The following KIF11 variants were observed in gnomAD, a reference collection of about 807,000 sequenced individuals.
KIF11 encodes kinesin family member 11, also known as kinesin-like protein KIF11.
A neutral mutation model predicts 121.0 loss-of-function variants in KIF11; 9 were observed. The observed-to-expected ratio is 0.07, with a 90% CI of 0.04 to 0.13. The LOEUF (loss-of-function observed/expected upper bound fraction) is 0.13. Among genes scored for constraint, KIF11 ranks in the 10% least tolerant of loss-of-function variants. KIF11 has a pLI of 1.00. For synonymous variants in KIF11, 408 were observed against 421.0 expected (o/e 0.97, Z 0.38); for missense variants, 846 against 1,217.5 (o/e 0.69, Z 4.54).
intron 21 of KIF11, among the ~76,000 whole-genome samples, chr10:92,651,507 GTTTTTTTTTTTTTTTTTTTTTTTT>G (rs1175303233): frequency 0.047 from 2,471 of 52,976 alleles, 63 homozygotes; most frequent in Middle Eastern, 0.093. Flanking sequence ...GGCTAATTTT[GTTTTTTTTTTTTTTTTTTTTTTTT>G]TTTTTTTTTT....
At chr10:92,652,128 G>A (rs1844993753) in intron 21 of KIF11, among the ~76,000 whole-genome samples, 1 of 151,488 alleles carries the variant, frequency 6.6e-6, no homozygotes, top group South Asian at 2.1e-4. Context: ...CCTTTTTTGT[G>A]TGTATGTCTT....
intron 11 of KIF11, among the ~76,000 whole-genome samples, chr10:92,629,216 T>G (rs1844709419): frequency 6.6e-6 from 1 of 151,894 alleles, no homozygotes; most frequent in African/African-American, 2.4e-5. Context: ...ACTCCTGACC[T>G]CATGATCTGC....
rs1331071426 is a variant in KIF11, at chr10:92,651,597, C to A, written c.3039+1080C>A. ...GGTCAGGCTGGTCTCGAACTCCCAA[C>A]TTCAGGTGATCTGCCTGCCTCGGCC... On this transcript the variant is annotated intron_variant, in intron 21 of 21. Transcript: ENST00000260731. Among the ~76,000 whole-genome samples, 6 of 129,738 alleles carry A rather than the reference C, an allele frequency of 4.6e-5. No individual in the cohort carries two copies. In the South Asian group the frequency reaches 8.2e-4, roughly 18 times the overall value. 85.1% of individuals were successfully genotyped at this position (129,738 alleles called of 152,430 possible). A position where few individuals can be genotyped will look rare whatever the true frequency, so the allele number is the denominator to read the frequency against.
Position 92,597,939 on chromosome 10 carries a change from G to A in KIF11, c.77+4487G>A, listed in dbSNP as rs77861305. On this transcript the variant is annotated intron_variant, in intron 1 of 21. Coordinates refer to ENST00000260731, the MANE Select transcript of KIF11 (RefSeq NM_004523.4). ...GTACTGGGATTACAGGCGTGAGCCCGTGCCTGGGCTATTTTTTTTTTCTCC... is the reference window on the plus strand; with the variant it reads ...GTACTGGGATTACAGGCGTGAGCCCATGCCTGGGCTATTTTTTTTTTCTCC... Among the ~76,000 whole-genome samples the A allele has an allele frequency of 8.7e-3, 1,321 of 151,388 alleles. 19 individuals are homozygous for A. The highest frequency in any genetic ancestry group is 0.03 in the African/African-American group (1,253 of 41,144).
In KIF11 at chr10:92,633,793, A is replaced by C; in HGVS notation, c.1873A>C (p.Ile625Leu). The change falls in exon 14 of 22, where the codon ATT becomes CTT. Residue 625 changes from isoleucine to leucine, a missense_variant and splice_region_variant. Ile to Leu is a conservative substitution (Grantham distance 5, BLOSUM62 2). Coordinates refer to ENST00000260731, the MANE Select transcript of KIF11 (RefSeq NM_004523.4). ...AAGTAAAACTGTACTACAGGAATTGATTGTTAGTACATCCTTTAAAATATT... is the reference window on the plus strand; with the variant it reads ...AAGTAAAACTGTACTACAGGAATTGCTTGTTAGTACATCCTTTAAAATATT... ...AESKTVLQEL[I>L]NVLKTDLLSS... 1 of 1,556,100 alleles carries C rather than the reference A, an allele frequency of 6.4e-7. No homozygotes were observed. Among genetic ancestry groups the C allele is most frequent in the Non-Finnish European group, 8.8e-7 (1 of 1,137,516 alleles).
intron 17 of KIF11, among the ~76,000 whole-genome samples, chr10:92,640,961 T>C (rs913593655): frequency 5.9e-5 from 9 of 151,520 alleles, no homozygotes; most frequent in Non-Finnish European, 1.0e-4. Flanking sequence ...TTGGCCAGGC[T>C]GATCTTGAAC....
intron 1 of KIF11, among the ~76,000 whole-genome samples, chr10:92,597,852 T>G (rs887471017): frequency 2.0e-5 from 3 of 152,164 alleles, no homozygotes; most frequent in African/African-American, 7.2e-5. Flanking sequence ...GGTTTCACCA[T>G]GTTGGTCAGG....
intron 17 of KIF11, among the ~76,000 whole-genome samples, chr10:92,642,766 A>G (rs1844878837): frequency 6.6e-6 from 1 of 152,164 alleles, no homozygotes; most frequent in African/African-American, 2.4e-5. Context: ...CAGGTTTTCT[A>G]GCTTTCCTTT....
chr10:92,640,020 T>A (rs1326737392), intron 17 of KIF11, 120 bp downstream of exon 17: 1 of 565,774 alleles, frequency 1.8e-6, no homozygotes, highest in African/African-American at 1.9e-5. Flanking sequence ...TTTGTTAATA[T>A]TTTATTATGT....
At chr10:92,627,480 C>T (rs1170395337) in intron 10 of KIF11, among the ~76,000 whole-genome samples, 1 of 152,050 alleles carries the variant, frequency 6.6e-6, no homozygotes, top group Admixed American at 6.6e-5. Flanking sequence ...TTCTGCCATC[C>T]CTGTCTCTCC....
Position 92,639,799 on chromosome 10 carries a change from T to G in KIF11, c.2166T>G (p.Leu722=), listed in dbSNP as rs147721514. ...KTIKQTHSQE[L]CKLMNLWTER... is the part of the protein sequence containing the mutation. ...TTCCCACACCTTTCTTACAGGAACT[T>G]TGCAAGTTAATGAATCTTTGGACAG... The change falls in exon 17 of 22, where the codon CTT becomes CTG. Residue 722 remains leucine (L), a synonymous_variant. Transcript: ENST00000260731. 579 of 1,598,462 alleles carry G rather than the reference T, an allele frequency of 3.6e-4. 3 individuals are homozygous for G. In the African/African-American group the frequency reaches 6.9e-3, roughly 19 times the overall value.
Position 92,637,248 on chromosome 10 carries a change from T to C in KIF11, c.1940T>C (p.Ile647Thr). 1 of 1,589,810 alleles carries C rather than the reference T, an allele frequency of 6.3e-7. No homozygotes were observed. The highest frequency in any genetic ancestry group is 8.5e-7 in the Non-Finnish European group (1 of 1,174,386). The change falls in exon 15 of 22, where the codon ATA becomes ACA. Residue 647 changes from isoleucine (I) to threonine (T), a missense_variant. This residue lies in a region of KIF11 where 492 missense variants were observed against 603.4 expected (regional missense o/e 0.82). Coordinates refer to ENST00000260731, the MANE Select transcript of KIF11 (RefSeq NM_004523.4). Reference sequence around the variant, plus strand: ...ATTTTATCCCCAACTGTGGTGTCTATACTGAAAATCAATAGTCAACTAAAG... The same window carrying C: ...ATTTTATCCCCAACTGTGGTGTCTACACTGAAAATCAATAGTCAACTAAAG... ...EMILSPTVVS[I>T]LKINSQLKHI...
chr10:92,602,867 TG>T (rs1844388628), intron 1 of KIF11, among the ~76,000 whole-genome samples: 2 of 150,312 alleles, frequency 1.3e-5, no homozygotes, highest in African/African-American at 4.9e-5. Context: ...GTTTTTTGTT[TG>T]TTTTGAGACT....
chr10:92,616,141 T>G (rs1029270294), intron 8 of KIF11, among the ~76,000 whole-genome samples: 1 of 151,924 alleles, frequency 6.6e-6, no homozygotes, highest in African/African-American at 2.4e-5. Context: ...CCGGCTGATA[T>G]AGGACATTTT....
At chr10:92,645,782 CT>C in intron 18 of KIF11, 140 bp downstream of exon 18, 1 of 627,464 alleles carries the variant, frequency 1.6e-6, no homozygotes, top group Non-Finnish European at 2.7e-6. Context: ...ATTTGGTATG[CT>C]TACAGATGAT....
At position 92,655,007 on chromosome 10, in the gene KIF11, A is replaced by G. The variant is rs149623261; in HGVS notation, c.*1211A>G. 1 of 152,816 alleles carries G rather than the reference A, an allele frequency of 6.5e-6. No individual in the cohort carries two copies. Among genetic ancestry groups the G allele is most frequent in the African/African-American group, 2.4e-5 (1 of 41,602 alleles). 9.5% of individuals were successfully genotyped at this position (152,816 alleles called of 1,614,324 possible). On this transcript the variant is annotated 3_prime_UTR_variant, in exon 22 of 22. Coordinates refer to ENST00000260731, the MANE Select transcript of KIF11 (RefSeq NM_004523.4). ...TTGTTGCTTGTTTGTATATAATACAATGTGTACATGTATCTTTTTCTCGAT... is the reference window on the plus strand; with the variant it reads ...TTGTTGCTTGTTTGTATATAATACAGTGTGTACATGTATCTTTTTCTCGAT...
At chr10:92,626,908 C>T (rs1020233279) in intron 10 of KIF11, among the ~76,000 whole-genome samples, 6 of 152,002 alleles carry the variant, frequency 3.9e-5, no homozygotes, top group African/African-American at 9.7e-5. Context: ...TACAGGTGCC[C>T]GCCACCACGC....
chr10:92,595,153 G>T (rs1051041512), intron 1 of KIF11, among the ~76,000 whole-genome samples: 6 of 152,170 alleles, frequency 3.9e-5, no homozygotes, highest in African/African-American at 1.2e-4. Context: ...TCCGCCTCCC[G>T]GATTCAAGCA....
intron 8 of KIF11, among the ~76,000 whole-genome samples, chr10:92,614,582 G>C (rs1294545942): frequency 6.6e-6 from 1 of 152,098 alleles, no homozygotes; most frequent in Non-Finnish European, 1.5e-5. Context: ...TTAGCAGTGG[G>C]TGGTGTATGG....
Sources: gnomAD v4.1 joint callset for allele counts (sites outside exome capture counted in the v4.1 genomes callset) on GRCh38, gnomAD v4.1.1 for gene constraint, gnomAD v4.1.1 regional missense constraint, MANE v1.5 for transcripts, NCBI Gene and HGNC (gene_info 2026-07-23, HGNC 2026-07-21) for gene names.